Variants in CELF5 observed in about 807,000 individuals in gnomAD.
CELF5 encodes CUG-BP and ETR-3 like factor 5.
In CELF5, 6 loss-of-function variants were observed where a neutral mutation model predicts 54.9. The observed-to-expected ratio is 0.11, with a 90% CI of 0.06 to 0.22. The LOEUF is 0.22. Among genes scored for constraint, CELF5 ranks in the 10% least tolerant of loss-of-function variants. The pLI is 1.00. For synonymous variants in CELF5, 271 were observed against 290.9 expected, an observed-to-expected ratio of 0.93 and a Z score of 0.70; for missense variants, 401 against 678.6, an observed-to-expected ratio of 0.59 and a Z score of 4.54.
intron 1 of CELF5, among the ~76,000 whole-genome samples, chr19:3,243,508 C>G (rs1176804211): frequency 2.0e-5 from 3 of 152,126 alleles, no homozygotes; most frequent in African/African-American, 7.2e-5. Context: ...TCTCGAACTC[C>G]TGGGCTCAAG....
intron 10 of CELF5, among the ~76,000 whole-genome samples, chr19:3,286,961 G>T (rs1197550040): frequency 6.7e-6 from 1 of 149,916 alleles, no homozygotes; most frequent in African/African-American, 2.5e-5. Flanking sequence ...CATGAACCCA[G>T]GAGGCGGAGC....
chr19:3,289,986 C>G (rs35198446), intron 10 of CELF5, among the ~76,000 whole-genome samples: 33,879 of 151,818 alleles, frequency 0.22, 4,078 homozygotes, highest in Middle Eastern at 0.32. Context: ...TGTCAGTTAT[C>G]TGGAGTCTGA....
chr19:3,284,721 A>C, intron 8 of CELF5, 181 bp from the exon 9 acceptor site: 1 of 615,476 alleles, frequency 1.6e-6, no homozygotes, highest in African/African-American at 1.8e-5. Context: ...TTGCTATCTG[A>C]GTGGCCCTGT....
At chr19:3,245,513 C>T (rs1362557002) in intron 1 of CELF5, among the ~76,000 whole-genome samples, 4 of 151,204 alleles carry the variant, frequency 2.6e-5, no homozygotes, top group Non-Finnish European at 5.9e-5. Flanking sequence ...CACCTACCCA[C>T]TCCCTAGCCT....
At chr19:3,244,431 GGTGTGTGCATGCATCTCTGTGTGTA>G (rs2079533091) in intron 1 of CELF5, among the ~76,000 whole-genome samples, 1 of 150,708 alleles carries the variant, frequency 6.6e-6, no homozygotes, top group South Asian at 2.1e-4. Flanking sequence ...TGTAGTGTGT[GGTGTGTGCATGCATCTCTGTGTGTA>G]GTGTGTGGTG....
intron 2 of CELF5, among the ~76,000 whole-genome samples, chr19:3,271,764 A>G (rs73519485): frequency 0.016 from 2,432 of 152,028 alleles, 61 homozygotes; most frequent in African/African-American, 0.056. Context: ...GGAGTGCAAA[A>G]TAAGGGGTTG....
intron 1 of CELF5, among the ~76,000 whole-genome samples, chr19:3,243,639 G>T (rs2079522721): frequency 6.6e-6 from 1 of 152,112 alleles, no homozygotes; most frequent in Non-Finnish European, 1.5e-5. Context: ...GTACGAGTTT[G>T]CAGGCGCTGC....
intron 1 of CELF5, among the ~76,000 whole-genome samples, chr19:3,233,526 G>A (rs1400291996): frequency 1.3e-5 from 2 of 152,148 alleles, no homozygotes; most frequent in African/African-American, 4.8e-5. Context: ...CGTTTGAGAC[G>A]AGACCTGAAT....
intron 2 of CELF5, among the ~76,000 whole-genome samples, chr19:3,261,708 C>T (rs1459499692): frequency 6.6e-6 from 1 of 151,814 alleles, no homozygotes; most frequent in Non-Finnish European, 1.5e-5. Context: ...GTAGTCCCAA[C>T]CACCTGGGAG....
rs144282620 is a variant in CELF5 at position 3,263,626 on chromosome 19, C to T, written c.343-10246C>T. Reference sequence around the variant, plus strand: ...ACTATTTAAAAGTACTACACACGGCCGGGCACGGTGGCTCACGCCTGTAAT... The same window carrying T: ...ACTATTTAAAAGTACTACACACGGCTGGGCACGGTGGCTCACGCCTGTAAT... On this transcript the variant is annotated intron_variant, in intron 2 of 12. Coordinates refer to ENST00000292672, the MANE Select transcript of CELF5 (RefSeq NM_021938.4). Among the ~76,000 whole-genome samples, 46 of 151,100 alleles carry T rather than the reference C, an allele frequency of 3.0e-4. No homozygotes were observed. The East Asian group carries it at 5.3e-3, about 18-fold the overall frequency.
chr19:3,295,727 C>G (rs2080429125), intron 12 of CELF5: 1 of 153,190 alleles, frequency 6.5e-6, no homozygotes, highest in African/African-American at 2.4e-5. Context: ...GAGCCCTGCC[C>G]TCCGGGATGG....
At chr19:3,271,543 G>C (rs1430285991) in intron 2 of CELF5, among the ~76,000 whole-genome samples, 2 of 152,280 alleles carry the variant, frequency 1.3e-5, no homozygotes, top group African/African-American at 4.8e-5. Flanking sequence ...GGGCCTCTTG[G>C]TTTCTGGGGC....
chr19:3,253,741 T>C (rs2079681692), intron 2 of CELF5, among the ~76,000 whole-genome samples: 1 of 152,232 alleles, frequency 6.6e-6, no homozygotes, highest in South Asian at 2.1e-4. Flanking sequence ...CTTCATAGTC[T>C]GACTCCAGAC....
chr19:3,295,840 C>CGG (rs1400737837), intron 12 of CELF5: 4 of 98,856 alleles, frequency 4.0e-5, no homozygotes, highest in African/African-American at 1.3e-4. Context: ...AGCTTTCCGT[C>CGG]GGAGGGGGGG....
At chr19:3,235,024 C>T (rs970140892) in intron 1 of CELF5, among the ~76,000 whole-genome samples, 4 of 152,074 alleles carry the variant, frequency 2.6e-5, no homozygotes, top group African/African-American at 4.8e-5. Flanking sequence ...GAAGTCCTCC[C>T]GTGACCTGCC....
At chr19:3,291,815 C>T (rs2080353982) in intron 11 of CELF5, among the ~76,000 whole-genome samples, 1 of 152,016 alleles carries the variant, frequency 6.6e-6, no homozygotes, top group Non-Finnish European at 1.5e-5. Context: ...TTGTGAGCCT[C>T]AGGGAGGACT....
chr19:3,244,698 GTGTATGCATC>G (rs2079539723), intron 1 of CELF5, among the ~76,000 whole-genome samples: 1 of 149,838 alleles, frequency 6.7e-6, no homozygotes, highest in African/African-American at 2.5e-5. Context: ...AGTGTGTGGT[GTGTATGCATC>G]TGTGCATGTG....
rs371004134 is a variant in CELF5 at position 3,283,665 on chromosome 19, G to T, written c.1039+1167G>T. On this transcript the variant is annotated intron_variant, in intron 8 of 12. Coordinates refer to ENST00000292672, the MANE Select transcript of CELF5 (RefSeq NM_021938.4). ...ACATTTTATTTTGAAATGATTGGAG[G>T]TTCACAGGGAGTTACCAAAATACCA... 3.0e-3 allele frequency among the ~76,000 whole-genome samples: 462 copies of T among 152,074 alleles called. 4 individuals carry two copies. The Middle Eastern group carries it at 0.037, about 12-fold the overall frequency.
intron 1 of CELF5, among the ~76,000 whole-genome samples, chr19:3,226,249 G>A (rs1416656713): frequency 2.7e-5 from 4 of 146,754 alleles, no homozygotes; most frequent in African/African-American, 9.9e-5. Flanking sequence ...ATGAATGCAT[G>A]TTTATTGAAT....
Sources: gnomAD v4.1 joint callset for allele counts (sites outside exome capture counted in the v4.1 genomes callset) on GRCh38, gnomAD v4.1.1 for gene constraint, MANE v1.5 for transcripts, NCBI Gene and HGNC (gene_info 2026-07-23, HGNC 2026-07-21) for gene names.